Variants in NID2 observed in about 807,000 individuals in gnomAD.
NID2 encodes nidogen 2.
Under a neutral mutation model 145.4 loss-of-function variants are expected in NID2, and 83 were observed. The ratio of observed to expected loss-of-function variants is 0.57; its 90% CI spans 0.48 to 0.69. NID2 has a LOEUF of 0.69. NID2 is among the 30% of genes least tolerant of loss of function. The pLI, the probability that NID2 is intolerant of heterozygous loss-of-function variation, is 0.00. For missense variants in NID2, 1,807 were observed against 1,765.7 expected (o/e 1.02, Z -0.42); for synonymous variants, 739 against 701.3 (o/e 1.05, Z -0.85).
intron 9 of NID2, among the ~76,000 whole-genome samples, chr14:52,035,852 T>TTG (rs908523283): frequency 3.3e-4 from 11 of 33,602 alleles, no homozygotes; most frequent in South Asian, 4.0e-3. Context: ...CTAAATTTTT[T>TTG]TGTGTATATA....
rs767180635 is a variant in NID2 at position 52,042,287 on chromosome 14, T to A, written c.1643A>T (p.His548Leu). Residue 548 changes from histidine to leucine, a missense_variant, in exon 7 of 22, where the codon CAC (histidine) becomes CTC (leucine). Physicochemically the swap from His to Leu is moderately conservative, Grantham distance 99. Coordinates refer to ENST00000216286, the MANE Select transcript of NID2 (RefSeq NM_007361.4). ...CGCATGCAGGTCCACATCAGTGAAG[T>A]GCACGGGTGTATGGCCCACGTGGAG... is the stretch of plus-strand genomic sequence containing the variant. ...GHLHVGHTPV[H>L]FTDVDLHAYI... 5.0e-6 allele frequency: 8 copies of A among 1,614,058 alleles called. No individual in the cohort carries two copies. The highest frequency in any genetic ancestry group is 1.3e-5 in the African/African-American group (1 of 74,932).
intron 16 of NID2, 60 bp downstream of exon 16, chr14:52,014,227 A>C (rs1213351826): frequency 6.2e-7 from 1 of 1,603,562 alleles, no homozygotes; most frequent in Admixed American, 1.7e-5. Flanking sequence ...AGGGCCTGTG[A>C]GGTGGCTCCC....
chr14:52,060,008 C>T (rs571182547), intron 3 of NID2, 116 bp downstream of exon 3: 4 of 655,838 alleles, frequency 6.1e-6, no homozygotes, highest in African/African-American at 1.8e-5. Context: ...TGACTTGATG[C>T]CTTACTTAGA....
rs549881154 is a variant in NID2, at chr14:52,028,736, C to T, written c.2516G>A (p.Arg839Gln). The T allele has an allele frequency of 9.3e-6, 15 of 1,611,880 alleles. No homozygotes were observed. Among genetic ancestry groups the T allele is most frequent in the Admixed American group, 3.4e-5 (2 of 59,584 alleles). Reference protein sequence around the residue: ...CRSGYEFADDRHTCILITPPA... With the variant: ...CRSGYEFADDQHTCILITPPA... ...TTGGAACTCACAGATGCAAGTATGC[C>T]GGTCATCTGCAAACTCATAACCACT... is the stretch of plus-strand genomic sequence containing the variant. Residue 839 changes from arginine (R) to glutamine (Q), a missense_variant, in exon 11 of 22, where the codon CGG (arginine) becomes CAG (glutamine). Coordinates refer to ENST00000216286, the MANE Select transcript of NID2 (RefSeq NM_007361.4).
intron 3 of NID2, among the ~76,000 whole-genome samples, chr14:52,055,059 T>C (rs904045257): frequency 1.3e-5 from 2 of 152,234 alleles, no homozygotes; most frequent in East Asian, 3.8e-4. Context: ...GACTACGACA[T>C]ACTTTCATGA....
chr14:52,009,455 G>A (rs1890923660), intron 18 of NID2: 1 of 152,186 alleles, frequency 6.6e-6, no homozygotes, highest in Admixed American at 6.5e-5. Flanking sequence ...GCAGTTGAAG[G>A]AGATGTAATT....
intron 8 of NID2, 143 bp downstream of exon 8, chr14:52,040,508 T>G (rs545901338): frequency 1.5e-6 from 1 of 688,138 alleles, no homozygotes; most frequent in South Asian, 1.8e-5. Context: ...ATGGTAACAA[T>G]AAGAGTAATA....
Position 52,040,732 on chromosome 14 carries a change from G to GT in NID2, c.1944_1945insA (p.Gln649ThrfsTer86). ...GCTGAGACGTAAGGCACCTGGCCTTGAATGTTGGTCTTAATGCTCAGGTAG... is the reference window on the plus strand; with the variant it reads ...GCTGAGACGTAAGGCACCTGGCCTTGTAATGTTGGTCTTAATGCTCAGGTAG... On this transcript the variant is annotated frameshift_variant, in exon 8 of 22. Coordinates refer to ENST00000216286, the MANE Select transcript of NID2 (RefSeq NM_007361.4). LOFTEE classifies it high-confidence loss of function. 6.2e-7 allele frequency: 1 copy of GT among 1,614,158 alleles called. No homozygotes were observed. The highest frequency in any genetic ancestry group is 2.2e-5 in the East Asian group (1 of 44,882).
At chr14:52,026,961 C>T (rs1053619108) in intron 12 of NID2, among the ~76,000 whole-genome samples, 4 of 152,220 alleles carry the variant, frequency 2.6e-5, no homozygotes, top group Non-Finnish European at 4.4e-5. Context: ...TAGAAGCTCC[C>T]GAGTGCTACA....
intron 9 of NID2, among the ~76,000 whole-genome samples, chr14:52,031,924 A>AC (rs1342366075): frequency 1.3e-5 from 2 of 152,002 alleles, no homozygotes; most frequent in Non-Finnish European, 2.9e-5. Context: ...GGCAACCACA[A>AC]CCCCACTGCT....
At chr14:52,065,582 C>T (rs71422052) in intron 2 of NID2, among the ~76,000 whole-genome samples, 8,936 of 126,162 alleles carry the variant, frequency 0.071, 368 homozygotes, top group Middle Eastern at 0.15. Context: ...TATACATGTG[C>T]CATGCTGGTG....
chr14:52,060,806 T>C (rs34457280), intron 2 of NID2, among the ~76,000 whole-genome samples: 11,069 of 152,202 alleles, frequency 0.073, 476 homozygotes, highest in Middle Eastern at 0.15. Flanking sequence ...TTCATCCATT[T>C]ATTAAATGAC....
chr14:52,014,971 C>A (rs1436187240), intron 15 of NID2, 83 bp downstream of exon 15: 3 of 1,127,378 alleles, frequency 2.7e-6, no homozygotes, highest in East Asian at 5.1e-5. Flanking sequence ...CCCCACATGT[C>A]CCCCCACTTC....
At position 52,010,878 on chromosome 14, in the gene NID2, T is replaced by G; in HGVS notation, c.3720A>C (p.Arg1240=). The G allele has an allele frequency of 6.2e-7, 1 of 1,612,118 alleles. No homozygotes were observed. The highest frequency in any genetic ancestry group is 8.5e-7 in the Non-Finnish European group (1 of 1,179,260). ...AGAATTAGGGAAGCCCAGCTGACCC[T>G]CGGATTGGATCCACAGCGATGGCAC... ...NPRAIAVDPI[R]GNLYWTDWNR... is the part of the protein sequence containing the mutation. The change falls in exon 18 of 22, where the codon CGA becomes CGC. Residue 1240 remains arginine (R), a splice_region_variant and synonymous_variant. Coordinates refer to ENST00000216286, the MANE Select transcript of NID2 (RefSeq NM_007361.4).
At chr14:52,018,409 C>G (rs1378018186) in intron 14 of NID2, among the ~76,000 whole-genome samples, 1 of 152,184 alleles carries the variant, frequency 6.6e-6, no homozygotes, top group Non-Finnish European at 1.5e-5. Flanking sequence ...TTGGAATCGA[C>G]TGTGAGCACT....
chr14:52,011,939 A>G (rs368248118), intron 16 of NID2: 60 of 405,594 alleles, frequency 1.5e-4, no homozygotes, highest in African/African-American at 9.6e-4. Context: ...TACCTGCCTC[A>G]TATGGTTGCT....
chr14:52,055,717 G>A (rs544365316), intron 3 of NID2, among the ~76,000 whole-genome samples: 1 of 152,226 alleles, frequency 6.6e-6, no homozygotes, highest in Non-Finnish European at 1.5e-5. Flanking sequence ...TCTGATATTT[G>A]TACAAAACAC....
chr14:52,048,659 G>A (rs573537368), intron 5 of NID2, among the ~76,000 whole-genome samples: 2 of 152,166 alleles, frequency 1.3e-5, no homozygotes, highest in South Asian at 4.2e-4. Flanking sequence ...CAATCTTCTG[G>A]CTCTAAATCC....
In NID2 at chr14:52,005,900, A is replaced by G. The variant is rs533138667; in HGVS notation, c.4005-51T>C. On this transcript the variant is annotated intron_variant, in intron 20 of 21. Coordinates refer to ENST00000216286, the MANE Select transcript of NID2 (RefSeq NM_007361.4). ...TCAGGGACAGTCATTTACTAGATAA[A>G]GAAGTCAGTCAGCCACAGAAAATCA... 2.1e-5 allele frequency: 29 copies of G among 1,360,392 alleles called. No individual in the cohort carries two copies. The Admixed American group carries it at 4.6e-4, about 22-fold the overall frequency. The allele number at this position is 1,360,392 out of a possible 1,614,324, so 84.3% of individuals were successfully genotyped here. A position where few individuals can be genotyped will look rare whatever the true frequency, so the allele number is the denominator to read the frequency against.
Sources: gnomAD v4.1 joint callset for allele counts (sites outside exome capture counted in the v4.1 genomes callset) on GRCh38, gnomAD v4.1.1 for gene constraint, MANE v1.5 for transcripts, NCBI Gene and HGNC (gene_info 2026-07-23, HGNC 2026-07-21) for gene names.